CALN1: variants seen among roughly 807,000 people sequenced by gnomAD.
The protein encoded by CALN1 is calneuron 1.
In CALN1, 17 loss-of-function variants were observed where a neutral mutation model predicts 30.6. That is an observed-to-expected ratio of 0.56 (90% CI 0.38 to 0.83). The LOEUF (loss-of-function observed/expected upper bound fraction) is 0.83, where lower values mean the gene tolerates loss of function less well. CALN1 is among the 40% of genes least tolerant of loss of function. The pLI, the probability that CALN1 is intolerant of heterozygous loss-of-function variation, is 0.00. For missense variants in CALN1, 291 were observed against 354.9 expected, an observed-to-expected ratio of 0.82 and a Z score of 1.45; for synonymous variants, 156 against 131.4, an observed-to-expected ratio of 1.19 and a Z score of -1.28.
intron 4 of CALN1, among the ~76,000 whole-genome samples, chr7:72,091,956 T>C (rs1476388725): frequency 6.6e-6 from 1 of 152,228 alleles, no homozygotes; most frequent in Non-Finnish European, 1.5e-5. Flanking sequence ...GACTATTGAC[T>C]TCAGCTTGAA....
chr7:72,336,295 C>T (rs1267627160), intron 2 of CALN1, among the ~76,000 whole-genome samples: 1 of 152,078 alleles, frequency 6.6e-6, no homozygotes, highest in African/African-American at 2.4e-5. Flanking sequence ...GCTCCGAGTC[C>T]CCTGCCCTCC....
In CALN1 at chr7:72,412,137, T is replaced by A. The variant is rs892290687; in HGVS notation, c.-153A>T. 5 of 152,652 alleles carry A rather than the reference T, an allele frequency of 3.3e-5. No individual in the cohort carries two copies. The highest frequency in any genetic ancestry group is 7.3e-5 in the Non-Finnish European group (5 of 68,234). The allele number at this position is 152,652 out of a possible 1,614,324, so 9.5% of individuals were successfully genotyped here. A position where few individuals can be genotyped will look rare whatever the true frequency, so the allele number is the denominator to read the frequency against. ...ATAAAACCACGGACCTCGCGGTGAG[T>A]GTTACAGCTCTTAAAGATGGCGCGT... On this transcript the variant is annotated 5_prime_UTR_variant, in exon 1 of 7. Coordinates refer to ENST00000395275, the MANE Select transcript of CALN1 (RefSeq NM_031468.4).
chr7:72,456,580 G>A, the CALN1 span, among the ~76,000 whole-genome samples: 3 of 152,080 alleles, frequency 2.0e-5, 1 homozygote, highest in South Asian at 4.2e-4. Context: ...AGCCAGGCAT[G>A]GTGGCTCATG....
intron 5 of CALN1, among the ~76,000 whole-genome samples, chr7:72,012,498 G>A (rs1489168839): frequency 1.3e-5 from 2 of 152,204 alleles, no homozygotes; most frequent in East Asian, 3.9e-4. Context: ...GCAACAGAGT[G>A]AGACTCCGTC....
In CALN1 at chr7:71,871,975, C is replaced by T. The variant is rs534283539; in HGVS notation, c.502-61483G>A. On this transcript the variant is annotated intron_variant, in intron 5 of 6. Coordinates refer to ENST00000395275, the MANE Select transcript of CALN1 (RefSeq NM_031468.4). The stretch of plus-strand genomic sequence containing the variant: ...AATGATCATTCCGTACTGTCCAACA[C>T]GGTAGCCACTGGCTACATGTGTCTA... 2.6e-4 allele frequency among the ~76,000 whole-genome samples: 40 copies of T among 152,304 alleles called. 1 individual carries two copies. The highest frequency in any genetic ancestry group is 9.7e-4 in the East Asian group (5 of 5,166).
At chr7:72,499,774 TTTCC>T in the CALN1 span, among the ~76,000 whole-genome samples, 1,650 of 118,706 alleles carry the variant, frequency 0.014, 187 homozygotes, top group African/African-American at 0.025. Flanking sequence ...ACTTTCTTTC[TTTCC>T]TTCCTTCCTT....
intron 3 of CALN1, among the ~76,000 whole-genome samples, chr7:72,247,421 G>C (rs1795265107): frequency 6.6e-6 from 1 of 151,234 alleles, no homozygotes; most frequent in South Asian, 2.1e-4. Context: ...CTAATTTTTT[G>C]TATTTTTAGT....
At chr7:72,124,469 G>A (rs574379300) in intron 3 of CALN1, among the ~76,000 whole-genome samples, 3 of 152,062 alleles carry the variant, frequency 2.0e-5, no homozygotes, top group East Asian at 1.9e-4. Context: ...GCCAGAACCC[G>A]TTTCTATAAA....
chr7:72,132,974 T>C (rs952193289), intron 3 of CALN1, among the ~76,000 whole-genome samples: 3 of 152,046 alleles, frequency 2.0e-5, no homozygotes, highest in African/African-American at 7.2e-5. Context: ...GGTACCCTAT[T>C]GCGAACTACA....
chr7:72,335,871 G>A (rs1331638057), intron 2 of CALN1, among the ~76,000 whole-genome samples: 1 of 152,138 alleles, frequency 6.6e-6, no homozygotes, highest in Non-Finnish European at 1.5e-5. Flanking sequence ...GCTCGCCCTC[G>A]CCCCAAGGGT....
intron 3 of CALN1, among the ~76,000 whole-genome samples, chr7:72,249,945 C>CGA (rs1795437319): frequency 1.5e-4 from 7 of 47,516 alleles, no homozygotes; most frequent in African/African-American, 6.6e-4. Flanking sequence ...TCAAAACAAA[C>CGA]CAAAAAAAAA....
rs181059934 is a variant in CALN1, at chr7:71,989,376, T to C, written c.501+34281A>G. Among the ~76,000 whole-genome samples, 680 of 151,954 alleles carry C rather than the reference T, an allele frequency of 4.5e-3. 3 individuals carry two copies. The highest frequency in any genetic ancestry group is 6.7e-3 in the Non-Finnish European group (457 of 67,986). ...CTGCCTGAAGCCAGGAGGCGGAGGT[T>C]TGCAGTGAGCAGAGGTCGCATCACT... On this transcript the variant is annotated intron_variant, in intron 5 of 6. Coordinates refer to ENST00000395275, the MANE Select transcript of CALN1 (RefSeq NM_031468.4).
intron 1 of CALN1, among the ~76,000 whole-genome samples, chr7:72,409,182 G>C (rs934995269): frequency 3.3e-5 from 5 of 151,718 alleles, no homozygotes; most frequent in Admixed American, 1.3e-4. Context: ...TTTTAGTAGA[G>C]ACAGTGTTTC....
At chr7:72,053,452 C>A (rs1802970262) in intron 4 of CALN1, among the ~76,000 whole-genome samples, 1 of 152,146 alleles carries the variant, frequency 6.6e-6, no homozygotes, top group African/African-American at 2.4e-5. Context: ...GGTTGAATGG[C>A]AGTTCTGTTT....
At chr7:71,998,019 C>T (rs1007444838) in intron 5 of CALN1, among the ~76,000 whole-genome samples, 4 of 151,910 alleles carry the variant, frequency 2.6e-5, no homozygotes, top group African/African-American at 9.7e-5. Context: ...TGGAGTTTCA[C>T]CATCTTGGCC....
chr7:72,408,005 T>C (rs1013408682), intron 1 of CALN1, among the ~76,000 whole-genome samples: 6 of 152,142 alleles, frequency 3.9e-5, no homozygotes, highest in African/African-American at 1.4e-4. Flanking sequence ...TCTGTGGCAC[T>C]AGGTATGCAA....
At chr7:72,289,316 C>G (rs141435888) in intron 2 of CALN1, among the ~76,000 whole-genome samples, 1 of 152,322 alleles carries the variant, frequency 6.6e-6, no homozygotes, top group Admixed American at 6.5e-5. Context: ...CACCCAAAAG[C>G]TATTCACAGT....
At chr7:71,816,897 G>A (rs1386190566) in intron 5 of CALN1, among the ~76,000 whole-genome samples, 3 of 152,180 alleles carry the variant, frequency 2.0e-5, no homozygotes, top group African/African-American at 7.2e-5. Flanking sequence ...GAACCTGGGA[G>A]GTGGAGGTTG....
At chr7:71,828,718 A>ATGTGTGTGTG (rs146892125) in intron 5 of CALN1, among the ~76,000 whole-genome samples, 2,521 of 144,334 alleles carry the variant, frequency 0.017, 70 homozygotes, top group African/African-American at 0.061. Flanking sequence ...ATATATGTAT[A>ATGTGTGTGTG]TGTGTGTGTG....
Sources: allele counts gnomAD v4.1 joint callset (sites outside exome capture counted in the v4.1 genomes callset), GRCh38; gene constraint gnomAD v4.1.1; transcripts MANE v1.5; gene names NCBI Gene and HGNC (gene_info 2026-07-23, HGNC 2026-07-21).